The following CPEB3 variants were observed in gnomAD, a reference collection of about 807,000 sequenced individuals.
CPEB3 encodes the protein cytoplasmic polyadenylation element-binding protein 3.
In CPEB3, 20 loss-of-function variants were observed where a neutral mutation model predicts 67.2. The ratio of observed to expected loss-of-function variants is 0.30; its 90% confidence interval spans 0.21 to 0.43. The LOEUF (loss-of-function observed/expected upper bound fraction) is 0.43, where lower values mean the gene tolerates loss of function less well. CPEB3 is among the 20% of genes least tolerant of loss of function. CPEB3 has a pLI of 1.00. For missense variants in CPEB3, 746 were observed against 968.6 expected (o/e 0.77, Z 3.05); for synonymous variants, 376 against 393.1 (o/e 0.96, Z 0.51).
At chr10:92,281,811 CT>C (rs1842309835) in intron 1 of CPEB3, among the ~76,000 whole-genome samples, 2 of 152,166 alleles carry the variant, frequency 1.3e-5, no homozygotes, top group Non-Finnish European at 2.9e-5. Flanking sequence ...ATGATCATTA[CT>C]ACTATTGGTT....
chr10:92,256,457 T>TAAAGA (rs1472428461), intron 1 of CPEB3, among the ~76,000 whole-genome samples: 13 of 151,830 alleles, frequency 8.6e-5, no homozygotes, highest in Non-Finnish European at 7.4e-5. Flanking sequence ...TGGCGCATCT[T>TAAAGA]GGCTCACTGC....
intron 1 of CPEB3, among the ~76,000 whole-genome samples, chr10:92,275,267 G>A (rs892428789): frequency 6.6e-6 from 1 of 152,154 alleles, no homozygotes; most frequent in South Asian, 2.1e-4. Context: ...TCAGACGCCT[G>A]TAACATCCCT....
rs187683401 is a variant in CPEB3, at chr10:92,072,406, C to A, written c.1869+8914G>T. Among the ~76,000 whole-genome samples, 181 of 152,138 alleles carry A rather than the reference C, an allele frequency of 1.2e-3. 1 individual carries two copies. The highest frequency in any genetic ancestry group is 4.2e-3 in the African/African-American group (174 of 41,530). On this transcript the variant is annotated intron_variant, in intron 9 of 9. Coordinates refer to ENST00000265997, the MANE Select transcript of CPEB3 (RefSeq NM_014912.5). ...TTAGCCTTTGGACGTATGATTAGGCCATAGCACAATTTAAATAGGCCAGGC... is the reference window on the plus strand; with the variant it reads ...TTAGCCTTTGGACGTATGATTAGGCAATAGCACAATTTAAATAGGCCAGGC...
intron 1 of CPEB3, among the ~76,000 whole-genome samples, chr10:92,265,134 TG>T (rs1852995472): frequency 6.6e-6 from 1 of 151,594 alleles, no homozygotes; most frequent in Non-Finnish European, 1.5e-5. Flanking sequence ...CACTCCAGCC[TG>T]GGCAACACAG....
At chr10:92,262,510 A>G (rs566815802) in intron 1 of CPEB3, among the ~76,000 whole-genome samples, 1 of 152,154 alleles carries the variant, frequency 6.6e-6, no homozygotes, top group Non-Finnish European at 1.5e-5. Context: ...AATGTTGGCA[A>G]GTAGAGAAGC....
chr10:92,260,286 C>T (rs1852732440), intron 1 of CPEB3, among the ~76,000 whole-genome samples: 1 of 152,164 alleles, frequency 6.6e-6, no homozygotes, highest in African/African-American at 2.4e-5. Flanking sequence ...CGTGGTGGCT[C>T]ATGCCTGTAA....
At chr10:92,244,115 G>A (rs1851959088) in intron 1 of CPEB3, among the ~76,000 whole-genome samples, 1 of 152,146 alleles carries the variant, frequency 6.6e-6, no homozygotes. Context: ...GGGAGGCCGA[G>A]GAGGGCAGAT....
At chr10:92,200,658 T>G (rs1166401065) in intron 2 of CPEB3, among the ~76,000 whole-genome samples, 2 of 152,032 alleles carry the variant, frequency 1.3e-5, no homozygotes, top group African/African-American at 4.8e-5. Flanking sequence ...TTTATCAGAT[T>G]GTGTTTTTAC....
In CPEB3 at chr10:92,143,012, C is replaced by T; in HGVS notation, c.1453+17G>A. The T allele has an allele frequency of 6.3e-7, 1 of 1,589,318 alleles. No individual in the cohort carries two copies. Among genetic ancestry groups the T allele is most frequent in the Non-Finnish European group, 8.6e-7 (1 of 1,158,578 alleles). ...CTCTCCAACAGGCAAGCAGTGGAAACATTTTAAGAGCATTACCTTTAGGAG... is the reference window on the plus strand; with the variant it reads ...CTCTCCAACAGGCAAGCAGTGGAAATATTTTAAGAGCATTACCTTTAGGAG... On this transcript the variant is annotated intron_variant, in intron 6 of 9. Transcript: ENST00000265997.
intron 2 of CPEB3, among the ~76,000 whole-genome samples, chr10:92,221,271 TC>T (rs1241825402): frequency 6.6e-6 from 1 of 152,182 alleles, no homozygotes; most frequent in African/African-American, 2.4e-5. Context: ...GGCAGGTGGA[TC>T]ACTTGAGGTC....
chr10:92,076,561 C>T lies in CPEB3; in HGVS notation c.1869+4759G>A, dbSNP rs150215235. ...GCTGGAATCACACAGGCATGTGCCA[C>T]CATACTTGGCTAATTTAAAAAAACT... On this transcript the variant is annotated intron_variant, in intron 9 of 9. Coordinates refer to ENST00000265997, the MANE Select transcript of CPEB3 (RefSeq NM_014912.5). 1.8e-3 allele frequency among the ~76,000 whole-genome samples: 271 copies of T among 152,146 alleles called. 1 individual carries two copies. In the Middle Eastern group the frequency reaches 0.02, roughly 11 times the overall value.
Position 92,140,246 on chromosome 10 carries a change from A to G in CPEB3, c.1453+2783T>C, listed in dbSNP as rs1352185896. Among the ~76,000 whole-genome samples, 3 of 152,230 alleles carry G rather than the reference A, an allele frequency of 2.0e-5. No individual in the cohort carries two copies. The East Asian group carries it at 5.8e-4, about 29-fold the overall frequency. On this transcript the variant is annotated intron_variant, in intron 6 of 9. Transcript: ENST00000265997. ...ACTTCAAACTATACTACAAGGCTAC[A>G]GTAACCAAAACAGCATGGTACTGGG...
chr10:92,111,009 G>T, intron 7 of CPEB3, 67 bp downstream of exon 7: 1 of 1,085,240 alleles, frequency 9.2e-7, no homozygotes, highest in Non-Finnish European at 1.4e-6. Flanking sequence ...TTATCAGAAA[G>T]AGGAGGTCAG....
intron 4 of CPEB3, among the ~76,000 whole-genome samples, chr10:92,146,845 A>G (rs1846707564): frequency 6.6e-6 from 1 of 152,190 alleles, no homozygotes; most frequent in Admixed American, 6.5e-5. Flanking sequence ...GGGGTGAAAG[A>G]AATAGATTTG....
chr10:92,289,759 G>T (rs1455688832), intron 1 of CPEB3, among the ~76,000 whole-genome samples: 5 of 96,540 alleles, frequency 5.2e-5, no homozygotes, highest in Non-Finnish European at 1.0e-4. Context: ...ATATATATAT[G>T]TATTATATAT....
intron 1 of CPEB3, among the ~76,000 whole-genome samples, chr10:92,285,974 T>G (rs1377066999): frequency 1.3e-5 from 2 of 151,332 alleles, no homozygotes; most frequent in Non-Finnish European, 2.9e-5. Context: ...AGGGAGTCTG[T>G]CCCCAGGCTG....
At chr10:92,269,340 A>G (rs931001730) in intron 1 of CPEB3, among the ~76,000 whole-genome samples, 5 of 152,292 alleles carry the variant, frequency 3.3e-5, no homozygotes, top group African/African-American at 1.2e-4. Context: ...AAGTTTTAGT[A>G]TACCAAATAT....
At chr10:92,262,795 T>C (rs1362339661) in intron 1 of CPEB3, among the ~76,000 whole-genome samples, 1 of 152,220 alleles carries the variant, frequency 6.6e-6, no homozygotes, top group Non-Finnish European at 1.5e-5. Flanking sequence ...GCCTAAATAA[T>C]TAGAATCATA....
rs749285662 is a variant in CPEB3, at chr10:92,289,718, C to CAAAAAAAAAAAAAAAAA, written c.-12+1207_-12+1208insTTTTTTTTTTTTTTTTT. Among the ~76,000 whole-genome samples the CAAAAAAAAAAAAAAAAA allele has an allele frequency of 2.0e-3, 63 of 30,924 alleles. 4 individuals are homozygous for CAAAAAAAAAAAAAAAAA. The highest frequency in any genetic ancestry group is 2.1e-3 in the Non-Finnish European group (45 of 21,288). 20.3% of individuals were successfully genotyped at this position (30,924 alleles called of 152,430 possible). Reference sequence around the variant, plus strand: ...CAACATGGCGAGACCGCGTCTCTACCAAAAAAAAAAAAAAATATATATATA... The same window carrying CAAAAAAAAAAAAAAAAA: ...CAACATGGCGAGACCGCGTCTCTACCAAAAAAAAAAAAAAAAAAAAAAAAAAAAAAAATATATATATA... On this transcript the variant is annotated intron_variant, in intron 1 of 9. Transcript: ENST00000265997.
Sources: allele counts gnomAD v4.1 joint callset (sites outside exome capture counted in the v4.1 genomes callset), GRCh38; gene constraint gnomAD v4.1.1; transcripts MANE v1.5; gene names NCBI Gene and HGNC (gene_info 2026-07-23, HGNC 2026-07-21).